Variants in PLXNB2 observed in about 807,000 individuals in gnomAD.
The protein encoded by PLXNB2 is plexin-B2.
Under a neutral mutation model 202.6 loss-of-function variants are expected in PLXNB2, and 85 were observed. That is an observed-to-expected ratio of 0.42 (90% CI 0.35 to 0.50). The LOEUF (loss-of-function observed/expected upper bound fraction) is 0.50. PLXNB2 is among the 20% of genes least tolerant of loss of function. PLXNB2 has a pLI of 0.02. For synonymous variants in PLXNB2, 1,239 were observed against 1,137.6 expected, an observed-to-expected ratio of 1.09 and a Z score of -1.79; for missense variants, 2,063 against 2,586.2, an observed-to-expected ratio of 0.80 and a Z score of 4.39.
intron 35 of PLXNB2, among the ~76,000 whole-genome samples, chr22:50,276,183 G>A (rs1043541657): frequency 6.6e-6 from 1 of 151,970 alleles, no homozygotes; most frequent in Non-Finnish European, 1.5e-5. Flanking sequence ...CCTGTGTGAC[G>A]CACGGCTGTG....
chr22:50,278,794 C>A, intron 28 of PLXNB2, 61 bp downstream of exon 28: 1 of 1,597,068 alleles, frequency 6.3e-7, no homozygotes, highest in Non-Finnish European at 8.5e-7. Flanking sequence ...AGGATACCGC[C>A]CCAGGACACA....
intron 1 of PLXNB2, among the ~76,000 whole-genome samples, chr22:50,299,640 G>T (rs1446515217): frequency 6.6e-6 from 1 of 152,068 alleles, no homozygotes; most frequent in Non-Finnish European, 1.5e-5. Context: ...AAGGACCCCG[G>T]CCGCCCCTTC....
chr22:50,278,141 G>A lies in PLXNB2; in HGVS notation c.4863C>T (p.Tyr1621=). 2 of 1,602,940 alleles carry A rather than the reference G, an allele frequency of 1.2e-6. No individual in the cohort carries two copies. Among genetic ancestry groups the A allele is most frequent in the Non-Finnish European group, 1.7e-6 (2 of 1,179,820 alleles). Residue 1621 remains tyrosine (Y), a synonymous_variant, in exon 31 of 37, where the codon TAC becomes TAT. Coordinates refer to ENST00000359337, the MANE Select transcript of PLXNB2 (RefSeq NM_012401.4). The part of the protein sequence containing the change: ...KERTKAITEI[Y]LTRLLSVKGT... ...CCTTGACTGAGAGCAGCCGCGTCAGGTAGATCTCGGTGATGGCCTTCGTCC... is the reference window on the plus strand; with the variant it reads ...CCTTGACTGAGAGCAGCCGCGTCAGATAGATCTCGGTGATGGCCTTCGTCC...
At chr22:50,303,286 C>A (rs2067775004) in intron 1 of PLXNB2, among the ~76,000 whole-genome samples, 1 of 152,226 alleles carries the variant, frequency 6.6e-6, no homozygotes, top group African/African-American at 2.4e-5. Context: ...GGCATAGCCC[C>A]CTGGAAACTG....
At position 50,277,584 on chromosome 22, in the gene PLXNB2, C is replaced by T; in HGVS notation, c.5196+7G>A. The T allele has an allele frequency of 6.4e-7, 1 of 1,559,070 alleles. No homozygotes were observed. The highest frequency in any genetic ancestry group is 8.7e-7 in the Non-Finnish European group (1 of 1,148,512). On this transcript the variant is annotated splice_region_variant and intron_variant, in intron 33 of 36. Transcript: ENST00000359337. ...CCCTGCCCCAGACCTGCCCCCACCC[C>T]ACTCACGCGGCTCAGCTTATGCTCC... is the stretch of plus-strand genomic sequence containing the variant.
In PLXNB2 at chr22:50,288,861, G is replaced by A. The variant is rs147728569; in HGVS notation, c.1262C>T (p.Thr421Ile). 1.1e-3 allele frequency: 1,761 copies of A among 1,613,430 alleles called. 1 individual carries two copies. Among genetic ancestry groups the A allele is most frequent in the Non-Finnish European group, 1.4e-3 (1,603 of 1,179,966 alleles). ...SDGRILKVYL[T>I]PDGTSSEYDS... is the part of the protein sequence containing the mutation. The stretch of plus-strand genomic sequence containing the variant: ...GTACTCTGAGGAGGTGCCATCTGGG[G>A]TGAGGTACACCTGTGTGCGCGAGGG... Residue 421 changes from threonine to isoleucine, a missense_variant, in exon 5 of 37, where the codon ACC becomes ATC. Thr to Ile is a moderately conservative substitution (Grantham distance 89, BLOSUM62 -1). Around this residue, in one of 2 missense-constraint regions of PLXNB2, gnomAD observed 1,303 missense variants for 1,476.8 expected, o/e 0.88. Coordinates refer to ENST00000359337, the MANE Select transcript of PLXNB2 (RefSeq NM_012401.4). This position sits in a 1 kb window ranked among gnomAD's most constrained non-coding sequence, Gnocchi z 5.0.
At position 50,279,841 on chromosome 22, in the gene PLXNB2, G is replaced by T. The variant is rs868532076; in HGVS notation, c.4243-65C>A. On this transcript the variant is annotated intron_variant, in intron 26 of 36. Transcript: ENST00000359337. ...TTGGGGCCTGGAAGGGGCCCCCGGA[G>T]CCCTGGCCAGAGGCATGGACGGGGC... 6.3e-5 allele frequency: 99 copies of T among 1,583,582 alleles called. No individual in the cohort carries two copies. The Middle Eastern group carries it at 3.8e-3, about 61-fold the overall frequency.
chr22:50,299,943 C>G (rs1026672591), intron 1 of PLXNB2, among the ~76,000 whole-genome samples: 4 of 152,144 alleles, frequency 2.6e-5, no homozygotes, highest in African/African-American at 9.7e-5. Context: ...CCAGACTCCC[C>G]GGAGGGCGCA....
In PLXNB2 at chr22:50,281,371, G is replaced by A. The variant is rs1159250108; in HGVS notation, c.3651C>T (p.Val1217=). The part of the protein sequence containing the change: ...VPMVVVIAVS[V]YCYWRKSQQA... ...GGGGGCGGGCTCACCAGTAGCAGTAGACAGACACCGCGATGACGACCACCA... is the reference window on the plus strand; with the variant it reads ...GGGGGCGGGCTCACCAGTAGCAGTAAACAGACACCGCGATGACGACCACCA... Residue 1217 remains valine (V), a synonymous_variant, in exon 22 of 37, where the codon GTC becomes GTT. Coordinates refer to ENST00000359337, the MANE Select transcript of PLXNB2 (RefSeq NM_012401.4). 4.3e-6 allele frequency: 7 copies of A among 1,612,008 alleles called. No homozygotes were observed. Among genetic ancestry groups the A allele is most frequent in the African/African-American group, 2.7e-5 (2 of 74,896 alleles).
Position 50,289,832 on chromosome 22 carries a change from T to C in PLXNB2, c.753A>G (p.Arg251=), listed in dbSNP as rs370858516. The change falls in exon 3 of 37, where the codon AGA becomes AGG. Residue 251 remains arginine, a synonymous_variant. Transcript: ENST00000359337. The surrounding 1 kb of genome is among the most constrained non-coding windows in gnomAD (Gnocchi z 8.0). ...GGTAGGAGTAGTAGTTGGGGTCTTCTCTGCACATGCGTGCCAGCAGCGTGC... is the reference window on the plus strand; with the variant it reads ...GGTAGGAGTAGTAGTTGGGGTCTTCCCTGCACATGCGTGCCAGCAGCGTGC... The part of the protein sequence containing the change: ...RNRTLLARMC[R]EDPNYYSYLE... 26 of 1,613,200 alleles carry C rather than the reference T, an allele frequency of 1.6e-5. No individual in the cohort carries two copies. The highest frequency in any genetic ancestry group is 1.6e-4 in the East Asian group (7 of 44,904).
Position 50,291,437 on chromosome 22 carries a change from G to C in PLXNB2, c.-13-840C>G, listed in dbSNP as rs1433510952. On this transcript the variant is annotated intron_variant, in intron 2 of 36. Coordinates refer to ENST00000359337, the MANE Select transcript of PLXNB2 (RefSeq NM_012401.4). The surrounding 1 kb of genome is among the most constrained non-coding windows in gnomAD (Gnocchi z 4.3). The stretch of plus-strand genomic sequence containing the variant: ...GTGTAACTGAGCACGTCTCGGTGTG[G>C]GGTCTGTGCCTGGGTCCGGGTGGAT... Among the ~76,000 whole-genome samples the C allele has an allele frequency of 6.6e-6, 1 of 152,106 alleles. No individual in the cohort carries two copies. The highest frequency in any genetic ancestry group is 1.5e-5 in the Non-Finnish European group (1 of 68,000).
At position 50,286,157 on chromosome 22, in the gene PLXNB2, G is replaced by A; in HGVS notation, c.1877+16C>T. The A allele has an allele frequency of 6.2e-7, 1 of 1,610,662 alleles. No individual in the cohort carries two copies. The highest frequency in any genetic ancestry group is 1.7e-5 in the Admixed American group (1 of 60,028). On this transcript the variant is annotated intron_variant, in intron 9 of 36. Coordinates refer to ENST00000359337, the MANE Select transcript of PLXNB2 (RefSeq NM_012401.4). ...GTGGACGGGCAGGGTGGGGTCGATG[G>A]GCACAAGACACTCACGGCAGGTTCT...
At position 50,275,670 on chromosome 22, in the gene PLXNB2, A is replaced by C; in HGVS notation, c.*34T>G. 1 of 1,423,700 alleles carries C rather than the reference A, an allele frequency of 7.0e-7. No homozygotes were observed. Among genetic ancestry groups the C allele is most frequent in the Non-Finnish European group, 9.7e-7 (1 of 1,029,184 alleles). The allele number at this position is 1,423,700 out of a possible 1,614,324, so 88.2% of individuals were successfully genotyped here. A position where few individuals can be genotyped will look rare whatever the true frequency, so the allele number is the denominator to read the frequency against. On this transcript the variant is annotated 3_prime_UTR_variant, in exon 37 of 37. Coordinates refer to ENST00000359337, the MANE Select transcript of PLXNB2 (RefSeq NM_012401.4). ...TGAGGGGCTCTCAGGTACCTCAGGT[A>C]CCTATGTCCCAAGGCAGCACTGGAG...
In PLXNB2 at chr22:50,283,148, C is replaced by T. The variant is rs551086650; in HGVS notation, c.2718G>A (p.Pro906=). The change falls in exon 17 of 37, where the codon CCG becomes CCA. Residue 906 remains proline, a synonymous_variant. Transcript: ENST00000359337. ...KPLSVEPQQG[P]QAGGTTLTIH... Reference sequence around the variant, plus strand: ...TGGTCAGTGTGGTGCCGCCCGCCTGCGGTCCCTGCTGCGGCTCCACACTGA... The same window carrying T: ...TGGTCAGTGTGGTGCCGCCCGCCTGTGGTCCCTGCTGCGGCTCCACACTGA... 37 of 1,597,118 alleles carry T rather than the reference C, an allele frequency of 2.3e-5. No individual in the cohort carries two copies. The highest frequency in any genetic ancestry group is 4.6e-5 in the East Asian group (2 of 43,862).
At position 50,283,678 on chromosome 22, in the gene PLXNB2, C is replaced by T; in HGVS notation, c.2494G>A (p.Ala832Thr). ...TILGSNLGVQ[A>T]GDIQRISVAG... Reference sequence around the variant, plus strand: ...ACAGAGATCCTCTGGATGTCCCCTGCTTGGACGCCCAAATTGGACCCCAGG... The same window carrying T: ...ACAGAGATCCTCTGGATGTCCCCTGTTTGGACGCCCAAATTGGACCCCAGG... Residue 832 changes from alanine (A) to threonine (T), a missense_variant, in exon 15 of 37, where the codon GCA (alanine) becomes ACA (threonine). Ala to Thr is a moderately conservative substitution (Grantham distance 58). Transcript: ENST00000359337. The T allele has an allele frequency of 1.2e-5, 20 of 1,613,164 alleles. No individual in the cohort carries two copies. The highest frequency in any genetic ancestry group is 1.7e-5 in the Non-Finnish European group (20 of 1,179,940).
At chr22:50,296,191 A>C (rs1165668554) in intron 1 of PLXNB2, among the ~76,000 whole-genome samples, 1 of 65,930 alleles carries the variant, frequency 1.5e-5, no homozygotes, top group Admixed American at 1.6e-4. Context: ...TGTCTCAAAA[A>C]ATACACACAC....
In PLXNB2 at chr22:50,277,981, G is replaced by A. The variant is rs913657029; in HGVS notation, c.4920C>T (p.Phe1640=). The change falls in exon 32 of 37, where the codon TTC becomes TTT. Residue 1640 remains phenylalanine (F), a synonymous_variant. Transcript: ENST00000359337. The stretch of plus-strand genomic sequence containing the variant: ...CGTGCCCAGGCGCCAGCACGCTCTG[G>A]AAGAAGTTGTCCACAAACTGCTGCA... ...GTLQQFVDNF[F]QSVLAPGHAV... 2 of 1,612,980 alleles carry A rather than the reference G, an allele frequency of 1.2e-6. No individual in the cohort carries two copies. Among genetic ancestry groups the A allele is most frequent in the East Asian group, 2.2e-5 (1 of 44,870 alleles).
Position 50,281,209 on chromosome 22 carries a change from T to A in PLXNB2, c.3663-20A>T. The A allele has an allele frequency of 6.2e-7, 1 of 1,601,842 alleles. No individual in the cohort carries two copies. Among genetic ancestry groups the A allele is most frequent in the Non-Finnish European group, 8.5e-7 (1 of 1,172,672 alleles). ...TTCCTCCTGCAAGGCACAGCGGGCC[T>A]CCTAGGTTCTGCCGGGGCTGGCCGC... is the stretch of plus-strand genomic sequence containing the variant. On this transcript the variant is annotated intron_variant, in intron 22 of 36. Coordinates refer to ENST00000359337, the MANE Select transcript of PLXNB2 (RefSeq NM_012401.4).
Position 50,283,667 on chromosome 22 carries a change from G to A in PLXNB2, c.2505C>T (p.Ile835=). The A allele has an allele frequency of 1.9e-6, 3 of 1,613,156 alleles. No homozygotes were observed. Among genetic ancestry groups the A allele is most frequent in the Non-Finnish European group, 2.5e-6 (3 of 1,179,974 alleles). ...GSNLGVQAGD[I]QRISVAGRNC... ...TCCGGCCGGCCACAGAGATCCTCTG[G>A]ATGTCCCCTGCTTGGACGCCCAAAT... The change falls in exon 15 of 37, where the codon ATC becomes ATT. Residue 835 remains isoleucine (I), a synonymous_variant. Coordinates refer to ENST00000359337, the MANE Select transcript of PLXNB2 (RefSeq NM_012401.4).
Sources: allele counts gnomAD v4.1 joint callset (sites outside exome capture counted in the v4.1 genomes callset), GRCh38; gene constraint gnomAD v4.1.1; regional missense constraint gnomAD v4.1.1; non-coding constraint Gnocchi (gnomAD v3.1); transcripts MANE v1.5; gene names NCBI Gene and HGNC (gene_info 2026-07-23, HGNC 2026-07-21).